ATP2C2: variants seen among roughly 807,000 people sequenced by gnomAD.
The protein encoded by ATP2C2 is calcium-transporting ATPase type 2C member 2.
ATP2C2 carries 171 observed loss-of-function variants against 110.8 expected under a neutral mutation model. The observed-to-expected ratio is 1.54, with a 90% CI of 1.36 to 1.75. ATP2C2 has a LOEUF of 1.75. Ranked by LOEUF, ATP2C2 falls within the 40% of genes most tolerant of loss-of-function variation. The probability of loss-of-function intolerance (pLI) is 0.00; values close to 1 mark genes in which losing one functional copy is unlikely to be tolerated. For missense variants in ATP2C2, 1,963 were observed against 1,235.0 expected (o/e 1.59, Z -8.84); for synonymous variants, 804 against 508.4 (o/e 1.58, Z -7.82).
intron 6 of ATP2C2, among the ~76,000 whole-genome samples, chr16:84,413,563 A>C (rs1390306166): frequency 6.6e-6 from 1 of 152,210 alleles, no homozygotes. Context: ...TAAATGATTT[A>C]TGTGATTTGA....
At chr16:84,434,205 CA>C (rs778080120) in intron 11 of ATP2C2, among the ~76,000 whole-genome samples, 19 of 151,982 alleles carry the variant, frequency 1.3e-4, no homozygotes, top group Non-Finnish European at 2.5e-4. Flanking sequence ...ATCATGAGGT[CA>C]AGAGATAGAG....
At chr16:84,395,349 C>G (rs573061097) in intron 1 of ATP2C2, among the ~76,000 whole-genome samples, 5 of 152,174 alleles carry the variant, frequency 3.3e-5, no homozygotes, top group African/African-American at 1.2e-4. Context: ...AGCTCATTCC[C>G]CAGGGACATG....
At chr16:84,404,563 T>C in intron 2 of ATP2C2, 1 of 204,490 alleles carries the variant, frequency 4.9e-6, no homozygotes, top group East Asian at 1.2e-4. Context: ...TATTTCATTG[T>C]GTGTGTACAC....
At chr16:84,460,932 A>T (rs972072552) in intron 24 of ATP2C2, 131 bp downstream of exon 24, 1 of 1,310,044 alleles carries the variant, frequency 7.6e-7, no homozygotes. Flanking sequence ...GGACAATGTG[A>T]TGCCATCAGA....
chr16:84,454,472 A>G lies in ATP2C2; in HGVS notation c.1981-346A>G, dbSNP rs548345248. Among the ~76,000 whole-genome samples, 66 of 152,290 alleles carry G rather than the reference A, an allele frequency of 4.3e-4. 1 individual carries two copies. In the South Asian group the frequency reaches 0.013, roughly 30 times the overall value. ...GGTAGTAATACTTACCAGGTACCCCATGGTTTCCAGGGCCGCACTGTTGAT... is the reference window on the plus strand; with the variant it reads ...GGTAGTAATACTTACCAGGTACCCCGTGGTTTCCAGGGCCGCACTGTTGAT... On this transcript the variant is annotated intron_variant, in intron 20 of 26. Transcript: ENST00000262429.
intron 24 of ATP2C2, chr16:84,461,491 C>T: frequency 4.9e-6 from 3 of 606,992 alleles, no homozygotes; most frequent in Non-Finnish European, 8.8e-6. Flanking sequence ...CCATAGGTGC[C>T]CTGCCCCCAT....
Position 84,448,550 on chromosome 16 carries a change from C to G in ATP2C2, c.1521C>G (p.Tyr507Ter). 3.7e-6 allele frequency: 6 copies of G among 1,612,378 alleles called. No homozygotes were observed. Among genetic ancestry groups the G allele is most frequent in the Non-Finnish European group, 5.1e-6 (6 of 1,178,998 alleles). Residue 507 changes from tyrosine (Y) to a stop codon, truncating the protein, a stop_gained, in exon 17 of 27, where the codon TAC (tyrosine) becomes TAG (stop). Transcript: ENST00000262429. LOFTEE classifies it high-confidence loss of function. ...TTTCTAAGGATCAGGAAGACATTTA[C>G]TTCATGAAAGGGGCCTTGGAAGAGG... is the stretch of plus-strand genomic sequence containing the variant. ...SLKTEDQEDI[Y>*]FMKGALEEVI...
At chr16:84,417,180 T>C (rs1906915545) in intron 7 of ATP2C2, among the ~76,000 whole-genome samples, 1 of 152,160 alleles carries the variant, frequency 6.6e-6, no homozygotes, top group Non-Finnish European at 1.5e-5. Context: ...CTTGGGAGGA[T>C]TACAGATCTT....
intron 1 of ATP2C2, 27 bp from the exon 2 acceptor site, chr16:84,398,472 T>C: frequency 6.6e-7 from 1 of 1,507,186 alleles, no homozygotes; most frequent in Non-Finnish European, 9.0e-7. Context: ...TTCAATCCGC[T>C]AAACAGCAAC....
In ATP2C2 at chr16:84,446,436, A is replaced by G. The variant is rs773167187; in HGVS notation, c.1503+6A>G. On this transcript the variant is annotated splice_donor_region_variant and intron_variant, in intron 16 of 26. Coordinates refer to ENST00000262429, the MANE Select transcript of ATP2C2 (RefSeq NM_014861.4). ...AATGCAGTCTGAAGACTGAGGTGAG[A>G]CCTTTCAATCTTCAACCTCTTCTCT... 3 of 1,571,692 alleles carry G rather than the reference A, an allele frequency of 1.9e-6. No homozygotes were observed. Among genetic ancestry groups the G allele is most frequent in the African/African-American group, 1.4e-5 (1 of 72,596 alleles).
intron 24 of ATP2C2, 76 bp downstream of exon 24, chr16:84,460,877 C>CCTGCCACAGCTCA: frequency 6.7e-7 from 1 of 1,501,206 alleles, no homozygotes; most frequent in Non-Finnish European, 9.0e-7. Flanking sequence ...TCCCTGCCCT[C>CCTGCCACAGCTCA]CTGCCACAGC....
chr16:84,437,891 C>T (rs1292057571), intron 11 of ATP2C2, among the ~76,000 whole-genome samples: 1 of 152,242 alleles, frequency 6.6e-6, no homozygotes, highest in Non-Finnish European at 1.5e-5. Context: ...CCTATGCCCA[C>T]ATCCCAGCCC....
rs777026723 is a variant in ATP2C2 at position 84,463,691 on chromosome 16, T to A, written c.2800T>A (p.Cys934Ser). 6.2e-7 allele frequency: 1 copy of A among 1,614,194 alleles called. No homozygotes were observed. The highest frequency in any genetic ancestry group is 1.7e-5 in the Admixed American group (1 of 60,032). Residue 934 changes from cysteine to serine, a missense_variant, in exon 27 of 27, where the codon TGC becomes AGC. Coordinates refer to ENST00000262429, the MANE Select transcript of ATP2C2 (RefSeq NM_014861.4). Reference sequence around the variant, plus strand: ...CCTCAAACTATGTGAAAAATACTGTTGCAGCCCCAAGAGAGTCCAGATGCA... The same window carrying A: ...CCTCAAACTATGTGAAAAATACTGTAGCAGCCCCAAGAGAGTCCAGATGCA... The part of the protein sequence containing the change: ...ELLKLCEKYC[C>S]SPKRVQMHPE...
intron 15 of ATP2C2, among the ~76,000 whole-genome samples, chr16:84,443,233 C>A (rs944338847): frequency 3.9e-5 from 6 of 151,990 alleles, no homozygotes; most frequent in Non-Finnish European, 1.5e-5. Context: ...AAGGAGGGGC[C>A]GGCAGAGGTT....
chr16:84,383,600 C>T (rs1027323988), intron 1 of ATP2C2, among the ~76,000 whole-genome samples: 17 of 152,256 alleles, frequency 1.1e-4, no homozygotes, highest in African/African-American at 3.6e-4. Context: ...ATAGCACAAA[C>T]ACTATAGCAC....
At chr16:84,446,467 T>A (rs767331197) in intron 16 of ATP2C2, 37 bp downstream of exon 16, 32 of 1,471,290 alleles carry the variant, frequency 2.2e-5, no homozygotes, top group Non-Finnish European at 2.9e-5. Flanking sequence ...TCTCTCTTTC[T>A]GCCCGGGCCC....
chr16:84,445,220 T>A (rs1277177717), intron 15 of ATP2C2, among the ~76,000 whole-genome samples: 2 of 151,614 alleles, frequency 1.3e-5, no homozygotes, highest in Non-Finnish European at 3.0e-5. Flanking sequence ...CTTTTTTTTT[T>A]TTTTTTGAGA....
chr16:84,370,919 A>C (rs1370891907), intron 1 of ATP2C2, among the ~76,000 whole-genome samples: 1 of 152,066 alleles, frequency 6.6e-6, no homozygotes, highest in Non-Finnish European at 1.5e-5. Context: ...TACTCTCGTC[A>C]TGTGATCAAT....
chr16:84,421,104 C>A (rs1429238133), intron 7 of ATP2C2, among the ~76,000 whole-genome samples: 1 of 152,154 alleles, frequency 6.6e-6, no homozygotes, highest in East Asian at 1.9e-4. Context: ...CCATGCCCGG[C>A]CGTCCTTGAC....
Sources: allele counts gnomAD v4.1 joint callset (sites outside exome capture counted in the v4.1 genomes callset), GRCh38; gene constraint gnomAD v4.1.1; transcripts MANE v1.5; gene names NCBI Gene and HGNC (gene_info 2026-07-23, HGNC 2026-07-21).